ZNF462: variants seen among roughly 807,000 people sequenced by gnomAD.
ZNF462 encodes the protein zinc finger PBX1-interacting protein.
Under a neutral mutation model 201.9 loss-of-function variants are expected in ZNF462, and 10 were observed. The ratio of observed to expected loss-of-function variants is 0.05; its 90% CI spans 0.03 to 0.08. The LOEUF is 0.08. Among genes scored for constraint, ZNF462 ranks in the 10% least tolerant of loss-of-function variants. ZNF462 has a pLI of 1.00. For synonymous variants in ZNF462, 1,227 were observed against 1,193.3 expected (o/e 1.03, Z -0.58); for missense variants, 2,523 against 3,168.3 (o/e 0.80, Z 4.89).
intron 10 of ZNF462, among the ~76,000 whole-genome samples, chr9:106,999,816 A>G (rs1798410282): frequency 6.6e-6 from 1 of 152,208 alleles, no homozygotes; most frequent in South Asian, 2.1e-4. Flanking sequence ...AAATGAAGAT[A>G]TCCAGTAGCC....
chr9:107,013,234 T>C lies in ZNF462; in HGVS notation c.*2204T>C, dbSNP rs542231836. ...TTTTGCTAACCTGTTAATAAAAATA[T>C]GGGACCATTATCCTTTTAACAAGGC... is the stretch of plus-strand genomic sequence containing the variant. On this transcript the variant is annotated 3_prime_UTR_variant, in exon 13 of 13. Coordinates refer to ENST00000277225, the MANE Select transcript of ZNF462 (RefSeq NM_021224.6). The C allele has an allele frequency of 2.6e-5, 4 of 152,334 alleles. No homozygotes were observed. The South Asian group carries it at 8.3e-4, about 32-fold the overall frequency. The allele number at this position is 152,334 out of a possible 1,614,324, so 9.4% of individuals were successfully genotyped here. A position where few individuals can be genotyped will look rare whatever the true frequency, so the allele number is the denominator to read the frequency against.
chr9:106,860,187 G>T (rs1827030009), upstream of ZNF462, among the ~76,000 whole-genome samples: 1 of 152,212 alleles, frequency 6.6e-6, no homozygotes, highest in Admixed American at 6.5e-5. This position sits in a 1 kb window ranked among gnomAD's most constrained non-coding sequence, Gnocchi z 7.1. Context: ...GCCGGTTCGG[G>T]AGCTTTCTCT....
At chr9:106,961,554 T>G (rs1481669874) in intron 7 of ZNF462, among the ~76,000 whole-genome samples, 2 of 151,978 alleles carry the variant, frequency 1.3e-5, no homozygotes, top group African/African-American at 4.8e-5. Flanking sequence ...TTTGGATGTT[T>G]GTAGCATGTT....
In ZNF462 at chr9:106,925,492, G is replaced by A. The variant is rs779079488; in HGVS notation, c.1580G>A (p.Gly527Asp). ...VVSYESSSIN[G>D]RKSGVMLDPL... is the part of the protein sequence containing the mutation. ...TCTTATGAGAGCTCAAGCATCAATG[G>A]TAGAAAGTCAGGAGTCATGTTGGAT... The change falls in exon 3 of 13, where the codon GGT becomes GAT. Residue 527 changes from glycine (G) to aspartate (D), a missense_variant. Transcript: ENST00000277225. The surrounding 1 kb of genome is among the most constrained non-coding windows in gnomAD (Gnocchi z 7.9). 5.5e-5 allele frequency: 89 copies of A among 1,613,970 alleles called. No individual in the cohort carries two copies. The highest frequency in any genetic ancestry group is 3.3e-4 in the Middle Eastern group (2 of 6,084).
intron 1 of ZNF462, among the ~76,000 whole-genome samples, chr9:106,879,483 C>T (rs1827996432): frequency 6.6e-6 from 1 of 152,078 alleles, no homozygotes; most frequent in Non-Finnish European, 1.5e-5. Flanking sequence ...GAGTAAACCA[C>T]ATTCCACACA....
chr9:106,945,556 G>A (rs1349492674), intron 7 of ZNF462, among the ~76,000 whole-genome samples: 1 of 152,030 alleles, frequency 6.6e-6, no homozygotes, highest in African/African-American at 2.4e-5. Flanking sequence ...ATAATTAATT[G>A]TAAAATACAA....
At chr9:106,867,778 C>T (rs1287084209) in intron 1 of ZNF462, among the ~76,000 whole-genome samples, 1 of 152,026 alleles carries the variant, frequency 6.6e-6, no homozygotes, top group Non-Finnish European at 1.5e-5. Flanking sequence ...TTAAATTATT[C>T]CTTGATGTTG....
At chr9:106,914,913 G>A (rs1829704169) in intron 1 of ZNF462, among the ~76,000 whole-genome samples, 1 of 152,126 alleles carries the variant, frequency 6.6e-6, no homozygotes, top group East Asian at 1.9e-4. Flanking sequence ...GTCACATGAA[G>A]ATTGGCATTT....
upstream of ZNF462, among the ~76,000 whole-genome samples, chr9:106,861,023 C>A (rs76923296): frequency 1.0e-3 from 153 of 152,200 alleles, 1 homozygote; most frequent in African/African-American, 3.4e-3. Flanking sequence ...TACTTCTCTT[C>A]CCTCTCCTCG....
intron 1 of ZNF462, among the ~76,000 whole-genome samples, chr9:106,868,175 T>C (rs916587827): frequency 1.3e-5 from 2 of 151,982 alleles, no homozygotes; most frequent in African/African-American, 4.8e-5. Flanking sequence ...TAGGTGTTGG[T>C]GACCTATTAA....
At chr9:106,934,980 AT>A (rs1417783039) in intron 5 of ZNF462, among the ~76,000 whole-genome samples, 1 of 152,156 alleles carries the variant, frequency 6.6e-6, no homozygotes, top group African/African-American at 2.4e-5. Flanking sequence ...AAGACAGCCC[AT>A]TGCAAGAAGG....
intron 7 of ZNF462, among the ~76,000 whole-genome samples, chr9:106,969,722 A>G (rs952967454): frequency 3.9e-5 from 6 of 152,176 alleles, no homozygotes; most frequent in Admixed American, 3.9e-4. Flanking sequence ...TTTAAGACCT[A>G]GACCATCACT....
In ZNF462 at chr9:106,977,485, T is replaced by G. The variant is rs1827095081; in HGVS notation, c.6832+3212T>G. 6.6e-6 allele frequency among the ~76,000 whole-genome samples: 1 copy of G among 151,702 alleles called. No individual in the cohort carries two copies. The highest frequency in any genetic ancestry group is 1.5e-5 in the Non-Finnish European group (1 of 68,050). On this transcript the variant is annotated intron_variant, in intron 9 of 12. Coordinates refer to ENST00000277225, the MANE Select transcript of ZNF462 (RefSeq NM_021224.6). This position sits in a 1 kb window ranked among gnomAD's most constrained non-coding sequence, Gnocchi z 4.6. ...ATATTTAAGTAGAGAGAGAATCTAC[T>G]TCGCTCATGGGAAATCTGAATATGA... is the stretch of plus-strand genomic sequence containing the variant.
At position 106,899,123 on chromosome 9, in the gene ZNF462, G is replaced by A. The variant is rs576530050; in HGVS notation, c.-30-24231G>A. On this transcript the variant is annotated intron_variant, in intron 1 of 12. Transcript: ENST00000277225. Reference sequence around the variant, plus strand: ...TGTAGCTAATAAATCATAGAGTCGGGATTCAACCTCAGGCCTCTTTGACTC... The same window carrying A: ...TGTAGCTAATAAATCATAGAGTCGGAATTCAACCTCAGGCCTCTTTGACTC... Among the ~76,000 whole-genome samples the A allele has an allele frequency of 9.6e-4, 146 of 151,510 alleles. 1 individual carries two copies. The highest frequency in any genetic ancestry group is 3.4e-3 in the African/African-American group (142 of 41,318).
Position 107,012,176 on chromosome 9 carries a change from G to A in ZNF462, c.*1146G>A, listed in dbSNP as rs1339419047. On this transcript the variant is annotated 3_prime_UTR_variant, in exon 13 of 13. Coordinates refer to ENST00000277225, the MANE Select transcript of ZNF462 (RefSeq NM_021224.6). ...TTTCGGCACAGCTATGCAGCTTGTG[G>A]GCCAGACGAGGAGGTCCTCCTCACC... 1.4e-5 allele frequency: 2 copies of A among 147,844 alleles called. No individual in the cohort carries two copies. Among genetic ancestry groups the A allele is most frequent in the East Asian group, 3.9e-4 (2 of 5,078 alleles). 9.2% of individuals were successfully genotyped at this position (147,844 alleles called of 1,614,324 possible).
rs548983710 is a variant in ZNF462, at chr9:106,968,989, G to A, written c.6428-3016G>A. On this transcript the variant is annotated intron_variant, in intron 7 of 12. Transcript: ENST00000277225. This position sits in a 1 kb window ranked among gnomAD's most constrained non-coding sequence, Gnocchi z 4.0. ...TAGCTTAGCAAGTGGGCTTTTTAAA[G>A]ATCGGTGGAATGATACACACTCATG... is the stretch of plus-strand genomic sequence containing the variant. Among the ~76,000 whole-genome samples the A allele has an allele frequency of 3.3e-5, 5 of 152,252 alleles. No homozygotes were observed. Among genetic ancestry groups the A allele is most frequent in the African/African-American group, 1.2e-4 (5 of 41,548 alleles).
intron 9 of ZNF462, among the ~76,000 whole-genome samples, chr9:106,980,380 G>C (rs1588149663): frequency 6.6e-6 from 1 of 152,206 alleles, no homozygotes; most frequent in South Asian, 2.1e-4. Flanking sequence ...TTGGTGGAGT[G>C]AAGAACTTCC....
rs937005701 is a variant in ZNF462 at position 106,935,988 on chromosome 9, T to C, written c.6235+367T>C. 3.9e-5 allele frequency among the ~76,000 whole-genome samples: 6 copies of C among 152,184 alleles called. No homozygotes were observed. The highest frequency in any genetic ancestry group is 8.8e-5 in the Non-Finnish European group (6 of 68,028). On this transcript the variant is annotated intron_variant, in intron 6 of 12. Transcript: ENST00000277225. The surrounding 1 kb of genome is among the most constrained non-coding windows in gnomAD (Gnocchi z 4.1). ...TATTAAAAAGACTTTCCAGCTAAAA[T>C]AAAGTTACCAACTTAAGGAAGTTAG...
rs551701840 is a variant in ZNF462 at position 106,987,026 on chromosome 9, TA to T, written c.7056+2618del. Among the ~76,000 whole-genome samples the T allele has an allele frequency of 4.0e-5, 6 of 151,164 alleles. No homozygotes were observed. The East Asian group carries it at 7.9e-4, about 20-fold the overall frequency. ...ATAGATAGATAGATAGATAGATAGATAGATAGATAGATATCACAGTTTCTTT... is the reference window on the plus strand; with the variant it reads ...ATAGATAGATAGATAGATAGATAGATGATAGATAGATATCACAGTTTCTTT... On this transcript the variant is annotated intron_variant, in intron 10 of 12. Coordinates refer to ENST00000277225, the MANE Select transcript of ZNF462 (RefSeq NM_021224.6).
Sources: gnomAD v4.1 joint callset for allele counts (sites outside exome capture counted in the v4.1 genomes callset) on GRCh38, gnomAD v4.1.1 for gene constraint, Gnocchi (gnomAD v3.1) non-coding constraint, MANE v1.5 for transcripts, NCBI Gene and HGNC (gene_info 2026-07-23, HGNC 2026-07-21) for gene names.